RALGPS2: variants seen among roughly 807,000 people sequenced by gnomAD.
The protein encoded by RALGPS2 is Ral GEF with PH domain and SH3 binding motif 2.
Under a neutral mutation model 86.8 loss-of-function variants are expected in RALGPS2, and 43 were observed. That is an observed-to-expected ratio of 0.50 (90% CI 0.39 to 0.64). The LOEUF (loss-of-function observed/expected upper bound fraction) is 0.64. Among genes scored for constraint, RALGPS2 ranks in the 30% least tolerant of loss-of-function variants. RALGPS2 has a pLI of 0.00. For synonymous variants in RALGPS2, 243 were observed against 231.3 expected, an observed-to-expected ratio of 1.05 and a Z score of -0.46; for missense variants, 536 against 694.6, an observed-to-expected ratio of 0.77 and a Z score of 2.57.
chr1:178,843,638 A>G (rs12142811), intron 8 of RALGPS2, among the ~76,000 whole-genome samples: 91,678 of 147,614 alleles, frequency 0.62, 29,148 homozygotes, highest in African/African-American at 0.77. Flanking sequence ...ATGTACCCTA[A>G]AACTTAAAGT....
chr1:178,906,104 G>A (rs1201333040), intron 18 of RALGPS2, among the ~76,000 whole-genome samples: 1 of 152,158 alleles, frequency 6.6e-6, no homozygotes, highest in Non-Finnish European at 1.5e-5. Context: ...CAGGTGTGGG[G>A]GCTCATGCCT....
chr1:178,740,885 ACTCT>A (rs965550158), intron 1 of RALGPS2, among the ~76,000 whole-genome samples: 7 of 151,962 alleles, frequency 4.6e-5, no homozygotes, highest in Non-Finnish European at 7.4e-5. Flanking sequence ...AATCGCTTAA[ACTCT>A]CTGTCTCATT....
intron 8 of RALGPS2, among the ~76,000 whole-genome samples, chr1:178,860,654 A>G (rs1657939521): frequency 6.6e-6 from 1 of 152,218 alleles, no homozygotes; most frequent in Non-Finnish European, 1.5e-5. Context: ...TATGAATTTG[A>G]CCACTCTAAA....
At chr1:178,875,514 G>C (rs1022872911) in intron 8 of RALGPS2, among the ~76,000 whole-genome samples, 1 of 152,090 alleles carries the variant, frequency 6.6e-6, no homozygotes, top group Admixed American at 6.5e-5. Flanking sequence ...TTGGGAGGCT[G>C]AGGCGGGTGG....
At chr1:178,742,519 T>TA (rs1651093753) in intron 1 of RALGPS2, among the ~76,000 whole-genome samples, 1 of 152,194 alleles carries the variant, frequency 6.6e-6, no homozygotes, top group African/African-American at 2.4e-5. Context: ...GTTGGATACT[T>TA]ACTCTTCTCT....
intron 8 of RALGPS2, chr1:178,865,653 C>CTA: frequency 6.2e-7 from 1 of 1,613,940 alleles, no homozygotes; most frequent in Non-Finnish European, 8.5e-7. Context: ...TCCTCTTTAC[C>CTA]ATCTGTGGCA....
chr1:178,847,350 G>A (rs1309416350), intron 8 of RALGPS2, among the ~76,000 whole-genome samples: 2 of 152,160 alleles, frequency 1.3e-5, no homozygotes, highest in African/African-American at 4.8e-5. Context: ...GGAGGCTGAG[G>A]CAGGAGAATC....
At chr1:178,870,574 ATGTTT>A (rs1196302125) in intron 8 of RALGPS2, among the ~76,000 whole-genome samples, 1 of 152,156 alleles carries the variant, frequency 6.6e-6, no homozygotes, top group Non-Finnish European at 1.5e-5. Context: ...ACAGTACTTA[ATGTTT>A]TTATGTCAAG....
rs1042657623 is a variant in RALGPS2 at position 178,780,259 on chromosome 1, T to C, written c.57+3438T>C. Among the ~76,000 whole-genome samples the C allele has an allele frequency of 6.6e-5, 10 of 152,164 alleles. No homozygotes were observed. The East Asian group carries it at 1.9e-3, about 29-fold the overall frequency. The stretch of plus-strand genomic sequence containing the variant: ...CCAAGAGATAGAGATCTTTAGCAGC[T>C]ATCTTAGAGCCTGTCCACTGTGCTT... On this transcript the variant is annotated intron_variant, in intron 2 of 19. Coordinates refer to ENST00000367635, the MANE Select transcript of RALGPS2 (RefSeq NM_152663.5).
intron 1 of RALGPS2, among the ~76,000 whole-genome samples, chr1:178,732,722 A>G (rs1168044958): frequency 6.6e-6 from 1 of 151,076 alleles, no homozygotes; most frequent in African/African-American, 2.4e-5. Flanking sequence ...TTGTCATACT[A>G]GTTTTCTAAG....
At chr1:178,759,843 G>T (rs1002473387) in intron 1 of RALGPS2, among the ~76,000 whole-genome samples, 4 of 151,270 alleles carry the variant, frequency 2.6e-5, no homozygotes, top group African/African-American at 9.7e-5. Flanking sequence ...TTTTTTTGTG[G>T]TTCTTGTAAA....
chr1:178,757,027 TTTCTATGTA>T (rs1182217158), intron 1 of RALGPS2, among the ~76,000 whole-genome samples: 1 of 152,174 alleles, frequency 6.6e-6, no homozygotes, highest in Non-Finnish European at 1.5e-5. Context: ...TGTTTGTTTG[TTTCTATGTA>T]TTCCTAGGTA....
At chr1:178,817,345 TAAAAAAAAAAAA>T (rs142692953) in intron 6 of RALGPS2, among the ~76,000 whole-genome samples, 1 of 98,050 alleles carries the variant, frequency 1.0e-5, no homozygotes, top group African/African-American at 3.8e-5. Flanking sequence ...TGTCTCAATT[TAAAAAAAAAAAA>T]AAAAAAAAAA....
In RALGPS2 at chr1:178,892,280, G is replaced by T. The variant is rs754487575; in HGVS notation, c.1298G>T (p.Gly433Val). ...LGPVTRVARN[G>V]YRSHMKASSS... is the part of the protein sequence containing the mutation. ...CCGGTGACAAGAGTGGCACGAAATG[G>T]CTATCGAAGTCACATGAAGGCCAGC... Residue 433 changes from glycine to valine, a missense_variant, in exon 15 of 20, where the codon GGC becomes GTC. By Grantham distance (109) the Gly-to-Val change is moderately radical. Coordinates refer to ENST00000367635, the MANE Select transcript of RALGPS2 (RefSeq NM_152663.5). The T allele has an allele frequency of 6.2e-7, 1 of 1,612,630 alleles. No individual in the cohort carries two copies. The highest frequency in any genetic ancestry group is 1.7e-5 in the Admixed American group (1 of 59,874).
chr1:178,729,790 G>A (rs966952175), intron 1 of RALGPS2, among the ~76,000 whole-genome samples: 1 of 152,182 alleles, frequency 6.6e-6, no homozygotes, highest in African/African-American at 2.4e-5. Flanking sequence ...CAGGTACTCA[G>A]ATAACCTGTA....
At chr1:178,894,098 A>G (rs1659835343) in intron 16 of RALGPS2, 74 bp downstream of exon 16, 4 of 846,094 alleles carry the variant, frequency 4.7e-6, no homozygotes, top group Non-Finnish European at 7.3e-6. Context: ...TAAAAGTACT[A>G]AAACAATTAA....
chr1:178,865,200 T>C, intron 8 of RALGPS2: 1 of 1,613,858 alleles, frequency 6.2e-7, no homozygotes, highest in Admixed American at 1.7e-5. Context: ...AACAAAGTGA[T>C]CATCACAGAT....
chr1:178,725,729 C>T (rs1240456567), intron 1 of RALGPS2: 3 of 152,198 alleles, frequency 2.0e-5, no homozygotes, highest in Admixed American at 6.5e-5. Flanking sequence ...TTGAACCCGC[C>T]TCGCTCTCCC....
At chr1:178,768,709 G>A (rs1188869943) in intron 1 of RALGPS2, among the ~76,000 whole-genome samples, 1 of 152,180 alleles carries the variant, frequency 6.6e-6, no homozygotes, top group African/African-American at 2.4e-5. Flanking sequence ...GCTGGACCAA[G>A]CAGGTCCACC....
Sources: gnomAD v4.1 joint callset for allele counts (sites outside exome capture counted in the v4.1 genomes callset) on GRCh38, gnomAD v4.1.1 for gene constraint, MANE v1.5 for transcripts, NCBI Gene and HGNC (gene_info 2026-07-23, HGNC 2026-07-21) for gene names.